NOP9: variants seen among roughly 807,000 people sequenced by gnomAD.
NOP9 encodes nucleolar protein 9.
NOP9 carries 50 observed loss-of-function variants against 63.0 expected under a neutral mutation model. That is an observed-to-expected ratio of 0.79 (90% CI 0.63 to 1.00). The LOEUF is 1.00. Ranked by LOEUF, NOP9 falls within the 50% of genes least tolerant of loss-of-function variation. The pLI is 0.00. For missense variants in NOP9, 758 were observed against 803.0 expected (o/e 0.94, Z 0.68); for synonymous variants, 343 against 332.8 (o/e 1.03, Z -0.33).
upstream of NOP9, chr14:24,299,344 G>C (rs1332504178): frequency 1.2e-5 from 6 of 514,270 alleles, no homozygotes; most frequent in African/African-American, 7.6e-5. Context: ...AGAAGGGGCT[G>C]AGTGGGACTG....
chr14:24,304,240 C>T lies in NOP9; in HGVS notation c.1610C>T (p.Thr537Met), dbSNP rs369111383. The T allele has an allele frequency of 2.0e-5, 32 of 1,614,056 alleles. No homozygotes were observed. In the African/African-American group the frequency reaches 2.7e-4, roughly 13 times the overall value. Residue 537 changes from threonine (T) to methionine (M), a missense_variant, in exon 8 of 10, where the codon ACG becomes ATG. By Grantham distance (81) the Thr-to-Met change is moderately conservative. Transcript: ENST00000267425. Reference sequence around the variant, plus strand: ...GCCATCCTGACCAGCCCCTCTGTGACGCGCAAGCTGCGCCGCCGTGTGCTG... The same window carrying T: ...GCCATCCTGACCAGCCCCTCTGTGATGCGCAAGCTGCGCCGCCGTGTGCTG... Reference protein sequence around the residue: ...LDAILTSPSVTRKLRRRVLQN... With the variant: ...LDAILTSPSVMRKLRRRVLQN...
chr14:24,290,705 C>T, the NOP9 span: 49 of 880,388 alleles, frequency 5.6e-5, no homozygotes, highest in South Asian at 6.6e-4. Context: ...GGGACCTAGG[C>T]GCACCCCAGA....
upstream of NOP9, chr14:24,298,993 G>A: frequency 6.2e-7 from 1 of 1,613,272 alleles, no homozygotes; most frequent in East Asian, 2.2e-5. Context: ...CCAGATGGCG[G>A]CCAGTGATGT....
At chr14:24,299,327 A>G (rs2139109310), upstream of NOP9, 1 of 549,854 alleles carries the variant, frequency 1.8e-6, no homozygotes, top group East Asian at 3.0e-5. Flanking sequence ...GGAGGCCCAG[A>G]GAGTGAAGAA....
chr14:24,300,922 A>G (rs561255596), intron 2 of NOP9, 65 bp downstream of exon 2: 1 of 1,307,602 alleles, frequency 7.6e-7, no homozygotes. Flanking sequence ...AGAATGAGAC[A>G]GTAAACAGAA....
At chr14:24,303,956 C>T in intron 7 of NOP9, 85 bp from the exon 8 acceptor site, 1 of 1,580,128 alleles carries the variant, frequency 6.3e-7, no homozygotes, top group Non-Finnish European at 8.7e-7. Context: ...GTGACTTCAT[C>T]CAGGTGGAGG....
At chr14:24,282,915 G>A in the NOP9 span, among the ~76,000 whole-genome samples, 1 of 147,866 alleles carries the variant, frequency 6.8e-6, no homozygotes, top group African/African-American at 2.5e-5. Context: ...TCTGGCTGAG[G>A]AAACTATTCG....
At chr14:24,282,800 C>G in the NOP9 span, among the ~76,000 whole-genome samples, 1 of 152,324 alleles carries the variant, frequency 6.6e-6, no homozygotes, top group African/African-American at 2.4e-5. Context: ...TCACCACTAT[C>G]AAGCACAAGC....
chr14:24,292,145 TC>T, the NOP9 span: 1 of 1,612,552 alleles, frequency 6.2e-7, no homozygotes, highest in Non-Finnish European at 8.5e-7. Flanking sequence ...AGAGGCCGAC[TC>T]CCCTGTTCTC....
At chr14:24,299,467 C>T, upstream of NOP9, 1 of 228,454 alleles carries the variant, frequency 4.4e-6, no homozygotes. Context: ...ATCTGAAGCT[C>T]CGGTCCCTGG....
chr14:24,290,642 A>C, the NOP9 span: 1 of 531,854 alleles, frequency 1.9e-6, no homozygotes, highest in Non-Finnish European at 3.3e-6. Flanking sequence ...AGCATTTTTC[A>C]ATACTAAGGC....
At chr14:24,298,884 A>ATAAT, upstream of NOP9, 1 of 1,473,598 alleles carries the variant, frequency 6.8e-7, no homozygotes, top group Non-Finnish European at 9.2e-7. Flanking sequence ...GTAAGGGATT[A>ATAAT]GGAAAGGAGC....
chr14:24,292,068 T>G, the NOP9 span: 1 of 1,301,856 alleles, frequency 7.7e-7, no homozygotes, highest in South Asian at 1.3e-5. Flanking sequence ...TGTCCCATGC[T>G]CAGCCCTGCA....
rs2041491067 is a variant in NOP9, at chr14:24,305,974, T to C, written c.*879T>C. 1.2e-6 allele frequency: 2 copies of C among 1,614,080 alleles called. No individual in the cohort carries two copies. Among genetic ancestry groups the C allele is most frequent in the Non-Finnish European group, 1.7e-6 (2 of 1,179,964 alleles). On this transcript the variant is annotated 3_prime_UTR_variant, in exon 10 of 10. Coordinates refer to ENST00000267425, the MANE Select transcript of NOP9 (RefSeq NM_174913.3). ...GAGTACTTTCTTTGGGCCAAGTCCTTGAAAGTCACAACTCATAGAGTAGAG... is the reference window on the plus strand; with the variant it reads ...GAGTACTTTCTTTGGGCCAAGTCCTCGAAAGTCACAACTCATAGAGTAGAG...
At position 24,306,774 on chromosome 14, in the gene NOP9, A is replaced by T; in HGVS notation, c.*1679A>T. 1 of 517,308 alleles carries T rather than the reference A, an allele frequency of 1.9e-6. No homozygotes were observed. The highest frequency in any genetic ancestry group is 3.3e-5 in the East Asian group (1 of 30,236). The allele number at this position is 517,308 out of a possible 1,614,324, so 32.0% of individuals were successfully genotyped here. On this transcript the variant is annotated 3_prime_UTR_variant, in exon 10 of 10. Transcript: ENST00000267425. Reference sequence around the variant, plus strand: ...ATCTCCCCTTGCTCCCCTCCAAGTCACTTCTGGTTTGGAATTGGAAAGCAA... The same window carrying T: ...ATCTCCCCTTGCTCCCCTCCAAGTCTCTTCTGGTTTGGAATTGGAAAGCAA...
At chr14:24,291,376 G>C in the NOP9 span, 1 of 1,053,086 alleles carries the variant, frequency 9.5e-7, no homozygotes, top group Non-Finnish European at 1.5e-6. Context: ...CACTTCCCAG[G>C]AGCCTGCTCC....
In NOP9 at chr14:24,301,727, G is replaced by A. The variant is rs1276902258; in HGVS notation, c.808+5G>A. 6.2e-7 allele frequency: 1 copy of A among 1,613,856 alleles called. No individual in the cohort carries two copies. The highest frequency in any genetic ancestry group is 8.5e-7 in the Non-Finnish European group (1 of 1,179,838). ...CCTTTCTGAAGGACATTGCAGGTAA[G>A]GAGGGAAGTAGGAGGATGGTCTCGT... On this transcript the variant is annotated splice_donor_5th_base_variant and intron_variant, in intron 3 of 9. Coordinates refer to ENST00000267425, the MANE Select transcript of NOP9 (RefSeq NM_174913.3).
Position 24,307,351 on chromosome 14 carries a change from G to A in NOP9, c.*2256G>A, listed in dbSNP as rs376584619. 4.4e-5 allele frequency: 70 copies of A among 1,606,618 alleles called. 2 individuals are homozygous for A. The highest frequency in any genetic ancestry group is 1.6e-4 in the African/African-American group (12 of 74,736). On this transcript the variant is annotated 3_prime_UTR_variant, in exon 10 of 10. Transcript: ENST00000267425. ...CTTGGCTACCCCTGCTATAGGAACCGAGGAACTTGGCCTACTTACTTTGGC... is the reference window on the plus strand; with the variant it reads ...CTTGGCTACCCCTGCTATAGGAACCAAGGAACTTGGCCTACTTACTTTGGC...
chr14:24,296,791 C>T (rs756844823), upstream of NOP9: 2 of 1,614,244 alleles, frequency 1.2e-6, no homozygotes, highest in South Asian at 2.2e-5. Context: ...CCTTGCTGTT[C>T]CCGATCCACT....
Sources: allele counts gnomAD v4.1 joint callset (sites outside exome capture counted in the v4.1 genomes callset), GRCh38; gene constraint gnomAD v4.1.1; transcripts MANE v1.5; gene names NCBI Gene and HGNC (gene_info 2026-07-23, HGNC 2026-07-21).